RPS6KA5: variants seen among roughly 807,000 people sequenced by gnomAD.
The protein encoded by RPS6KA5 is ribosomal protein S6 kinase A5, also known as ribosomal protein S6 kinase alpha-5.
In RPS6KA5, 27 loss-of-function variants were observed where a neutral mutation model predicts 85.5. The ratio of observed to expected loss-of-function variants is 0.32; its 90% CI spans 0.23 to 0.44. RPS6KA5 has a LOEUF of 0.44. RPS6KA5 is among the 20% of genes least tolerant of loss of function. The pLI is 1.00. For synonymous variants in RPS6KA5, 334 were observed against 348.2 expected (o/e 0.96, Z 0.46); for missense variants, 811 against 980.9 (o/e 0.83, Z 2.31).
intron 1 of RPS6KA5, among the ~76,000 whole-genome samples, chr14:91,010,036 A>ATT (rs56229173): frequency 7.0e-6 from 1 of 143,478 alleles, no homozygotes; most frequent in Non-Finnish European, 1.5e-5. Flanking sequence ...GTCAACAGCG[A>ATT]TTTTTTTTTT....
At chr14:91,043,063 T>G (rs1163969311) in intron 1 of RPS6KA5, among the ~76,000 whole-genome samples, 1 of 152,154 alleles carries the variant, frequency 6.6e-6, no homozygotes, top group Non-Finnish European at 1.5e-5. Context: ...ACCAAAATTG[T>G]TCTTGATGAG....
rs2032298308 is a variant in RPS6KA5, at chr14:90,856,587, T to A, written c.*15487A>T. The A allele has an allele frequency of 1.3e-5, 2 of 152,208 alleles. No individual in the cohort carries two copies. The highest frequency in any genetic ancestry group is 4.1e-4 in the South Asian group (2 of 4,830). The allele number at this position is 152,208 out of a possible 1,614,324, so 9.4% of individuals were successfully genotyped here. A position where few individuals can be genotyped will look rare whatever the true frequency, so the allele number is the denominator to read the frequency against. On this transcript the variant is annotated 3_prime_UTR_variant, in exon 17 of 17. Coordinates refer to ENST00000614987, the MANE Select transcript of RPS6KA5 (RefSeq NM_004755.4). Reference sequence around the variant, plus strand: ...CCTTTTGGTCAGGCTGTTCTCCAACTCCTGACCTCAGGTGATCCACCCGTC... The same window carrying A: ...CCTTTTGGTCAGGCTGTTCTCCAACACCTGACCTCAGGTGATCCACCCGTC...
intron 5 of RPS6KA5, among the ~76,000 whole-genome samples, chr14:90,931,537 A>C (rs2036978821): frequency 6.6e-6 from 1 of 152,178 alleles, no homozygotes; most frequent in African/African-American, 2.4e-5. Context: ...ACCACAATTA[A>C]AATTTTTTTA....
rs1312465186 is a variant in RPS6KA5 at position 90,870,807 on chromosome 14, T to TC, written c.*1266_*1267insG. On this transcript the variant is annotated 3_prime_UTR_variant, in exon 17 of 17. Transcript: ENST00000614987. ...ATAACACACAAACCCTATCACTTCTTTTTTTTTTTTTTTTTTTTTTGCATA... is the reference window on the plus strand; with the variant it reads ...ATAACACACAAACCCTATCACTTCTTCTTTTTTTTTTTTTTTTTTTTGCATA... 2.8e-3 allele frequency: 255 copies of TC among 90,214 alleles called. 1 individual carries two copies. Among genetic ancestry groups the TC allele is most frequent in the African/African-American group, 0.01 (196 of 19,226 alleles). The allele number at this position is 90,214 out of a possible 1,614,324, so 5.6% of individuals were successfully genotyped here. A position where few individuals can be genotyped will look rare whatever the true frequency, so the allele number is the denominator to read the frequency against.
intron 1 of RPS6KA5, among the ~76,000 whole-genome samples, chr14:91,008,062 T>C (rs2041104769): frequency 6.6e-6 from 1 of 152,236 alleles, no homozygotes; most frequent in African/African-American, 2.4e-5. Flanking sequence ...AGTTGTGAGA[T>C]GTTTAACTTG....
chr14:90,859,318 G>T lies in RPS6KA5; in HGVS notation c.*12756C>A, dbSNP rs2032428255. Reference sequence around the variant, plus strand: ...CTACAGTATTTAACACACAATGTATGACATTTCACCAAACTTATAAGGCAT... The same window carrying T: ...CTACAGTATTTAACACACAATGTATTACATTTCACCAAACTTATAAGGCAT... On this transcript the variant is annotated 3_prime_UTR_variant, in exon 17 of 17. Coordinates refer to ENST00000614987, the MANE Select transcript of RPS6KA5 (RefSeq NM_004755.4). 1.3e-5 allele frequency: 2 copies of T among 152,140 alleles called. No homozygotes were observed. Among genetic ancestry groups the T allele is most frequent in the African/African-American group, 4.8e-5 (2 of 41,422 alleles). 9.4% of individuals were successfully genotyped at this position (152,140 alleles called of 1,614,324 possible). A position where few individuals can be genotyped will look rare whatever the true frequency, so the allele number is the denominator to read the frequency against.
intron 1 of RPS6KA5, among the ~76,000 whole-genome samples, chr14:91,046,005 T>C (rs1442971216): frequency 1.3e-5 from 2 of 152,184 alleles, no homozygotes; most frequent in Non-Finnish European, 2.9e-5. Flanking sequence ...TTCCCCGCTC[T>C]TCACCCCACA....
At chr14:90,914,309 G>T (rs2035989373) in intron 7 of RPS6KA5, among the ~76,000 whole-genome samples, 1 of 81,518 alleles carries the variant, frequency 1.2e-5, no homozygotes. Flanking sequence ...GATCCCTAGG[G>T]TTTTTTTTTT....
intron 5 of RPS6KA5, among the ~76,000 whole-genome samples, chr14:90,938,419 A>G (rs1043758994): frequency 2.0e-5 from 3 of 152,204 alleles, no homozygotes; most frequent in Non-Finnish European, 4.4e-5. Flanking sequence ...TTTAAAGGAC[A>G]GTGGCCCTCT....
intron 1 of RPS6KA5, among the ~76,000 whole-genome samples, chr14:91,046,180 T>C (rs74086832): frequency 0.019 from 2,947 of 152,234 alleles, 72 homozygotes; most frequent in African/African-American, 0.063. Flanking sequence ...TCTTAGGTAT[T>C]ATACAATAAG....
chr14:90,898,148 A>G (rs1484717476), intron 12 of RPS6KA5, among the ~76,000 whole-genome samples: 1 of 152,178 alleles, frequency 6.6e-6, no homozygotes, highest in Admixed American at 6.5e-5. Flanking sequence ...TGGGCTCTGA[A>G]GTTGGACTGT....
chr14:90,972,985 AG>A (rs2039390987), intron 3 of RPS6KA5, among the ~76,000 whole-genome samples: 1 of 152,250 alleles, frequency 6.6e-6, no homozygotes, highest in Admixed American at 6.5e-5. Context: ...AAAGAAAAAA[AG>A]AAAATTAACT....
rs1480491005 is a variant in RPS6KA5 at position 90,870,261 on chromosome 14, T to C, written c.*1813A>G. On this transcript the variant is annotated 3_prime_UTR_variant, in exon 17 of 17. Transcript: ENST00000614987. ...TTGATTACTAGAGATCTGTGCCTGATGGAATCACATTTTGTGAATTAGCAA... is the reference window on the plus strand; with the variant it reads ...TTGATTACTAGAGATCTGTGCCTGACGGAATCACATTTTGTGAATTAGCAA... 4 of 152,194 alleles carry C rather than the reference T, an allele frequency of 2.6e-5. No individual in the cohort carries two copies. The highest frequency in any genetic ancestry group is 9.6e-5 in the African/African-American group (4 of 41,454). The allele number at this position is 152,194 out of a possible 1,614,324, so 9.4% of individuals were successfully genotyped here. A position where few individuals can be genotyped will look rare whatever the true frequency, so the allele number is the denominator to read the frequency against.
intron 1 of RPS6KA5, among the ~76,000 whole-genome samples, chr14:91,043,140 A>C (rs1295974992): frequency 6.6e-6 from 1 of 152,122 alleles, no homozygotes; most frequent in African/African-American, 2.4e-5. Context: ...CTTAGCTTCC[A>C]AACACCACAA....
intron 2 of RPS6KA5, among the ~76,000 whole-genome samples, chr14:90,987,256 A>C (rs1430757093): frequency 6.6e-6 from 1 of 152,250 alleles, no homozygotes; most frequent in Non-Finnish European, 1.5e-5. Context: ...TAATACGGAT[A>C]CTTTCCAAAC....
At chr14:90,958,563 G>T (rs2038642638) in intron 3 of RPS6KA5, among the ~76,000 whole-genome samples, 2 of 152,174 alleles carry the variant, frequency 1.3e-5, no homozygotes, top group Non-Finnish European at 2.9e-5. Flanking sequence ...TTTATCAATT[G>T]TGTGACTTTG....
At chr14:90,899,306 A>AGG (rs780672776) in intron 12 of RPS6KA5, 23 bp downstream of exon 12, 9 of 1,093,548 alleles carry the variant, frequency 8.2e-6, no homozygotes, top group Admixed American at 6.8e-5. Context: ...ACATGGGAAA[A>AGG]AAAAAAAAAA....
intron 3 of RPS6KA5, among the ~76,000 whole-genome samples, chr14:90,961,075 C>T (rs75840657): frequency 0.13 from 20,402 of 152,154 alleles, 1,621 homozygotes; most frequent in East Asian, 0.32. Flanking sequence ...ACTTGGGTGG[C>T]CCTCCTTAAA....
At chr14:91,009,591 C>A (rs1183189417) in intron 1 of RPS6KA5, among the ~76,000 whole-genome samples, 1 of 152,026 alleles carries the variant, frequency 6.6e-6, no homozygotes, top group Non-Finnish European at 1.5e-5. Context: ...TAAGACAGCC[C>A]TATATCTAAA....
Sources: allele counts gnomAD v4.1 joint callset (sites outside exome capture counted in the v4.1 genomes callset), GRCh38; gene constraint gnomAD v4.1.1; transcripts MANE v1.5; gene names NCBI Gene and HGNC (gene_info 2026-07-23, HGNC 2026-07-21).